KIF3C: variants seen among roughly 807,000 people sequenced by gnomAD.
KIF3C encodes the protein kinesin-like protein KIF3C.
A neutral mutation model predicts 67.7 loss-of-function variants in KIF3C; 12 were observed. The ratio of observed to expected loss-of-function variants is 0.18; its 90% confidence interval spans 0.11 to 0.29. The LOEUF is 0.29. Ranked by LOEUF, KIF3C falls within the 10% of genes least tolerant of loss-of-function variation. The pLI is 1.00. For synonymous variants in KIF3C, 393 were observed against 426.2 expected (o/e 0.92, Z 0.96); for missense variants, 789 against 1,059.6 (o/e 0.74, Z 3.55).
intron 1 of KIF3C, among the ~76,000 whole-genome samples, chr2:25,956,897 G>C (rs193000565): frequency 2.4e-4 from 37 of 152,324 alleles, no homozygotes; most frequent in African/African-American, 8.2e-4. Context: ...CAGCAGGAAA[G>C]GGTCTAAATC....
chr2:25,957,130 G>A (rs1476939329), intron 1 of KIF3C, among the ~76,000 whole-genome samples: 2 of 152,110 alleles, frequency 1.3e-5, no homozygotes, highest in Admixed American at 6.6e-5. Flanking sequence ...TTTGTGGAGC[G>A]CTAAGTATCT....
Position 25,980,964 on chromosome 2 carries a change from C to T in KIF3C, c.954G>A (p.Arg318=). The T allele has an allele frequency of 6.2e-7, 1 of 1,614,184 alleles. No homozygotes were observed. The highest frequency in any genetic ancestry group is 1.1e-5 in the South Asian group (1 of 91,078). Reference sequence around the variant, plus strand: ...GGAGCAGCCGGGTCAGCTTGGAGTCCCGGTAGGGAATGTGGGTGCTCCTGT... The same window carrying T: ...GGAGCAGCCGGGTCAGCTTGGAGTCTCGGTAGGGAATGTGGGTGCTCCTGT... ...AGNRSTHIPY[R]DSKLTRLLQD... is the part of the protein sequence containing the mutation. Residue 318 remains arginine, a synonymous_variant, in exon 1 of 8, where the codon CGG becomes CGA. Coordinates refer to ENST00000264712, the MANE Select transcript of KIF3C (RefSeq NM_002254.8). This position sits in a 1 kb window ranked among gnomAD's most constrained non-coding sequence, Gnocchi z 7.6.
rs764705520 is a variant in KIF3C, at chr2:25,956,437, T to A, written c.1553A>T (p.Glu518Val). 1.3e-5 allele frequency: 21 copies of A among 1,613,520 alleles called. No homozygotes were observed. Among genetic ancestry groups the A allele is most frequent in the Non-Finnish European group, 1.8e-5 (21 of 1,179,702 alleles). ...ELLAAKYKAM[E>V]SKLLIGGRNI... ...CCTGCCCCCGATGAGGAGCTTGCTC[T>A]CCATGGCCTGGGGACACAGAGGGGT... Residue 518 changes from glutamate (E) to valine (V), a missense_variant, in exon 2 of 8, where the codon GAG becomes GTG. By Grantham distance (121) the Glu-to-Val change is moderately radical (BLOSUM62 -2). Coordinates refer to ENST00000264712, the MANE Select transcript of KIF3C (RefSeq NM_002254.8).
Position 25,981,639 on chromosome 2 carries a change from C to T in KIF3C, c.279G>A (p.Val93=). ...DSVLQGFNGT[V]FAYGQTGTGK... ...CAGTGCCCGTCTGGCCATAGGCAAA[C>T]ACCGTGCCATTGAAACCCTGGAGCA... The change falls in exon 1 of 8, where the codon GTG becomes GTA. Residue 93 remains valine (V), a synonymous_variant. Transcript: ENST00000264712. This position sits in a 1 kb window ranked among gnomAD's most constrained non-coding sequence, Gnocchi z 8.2. 1.2e-6 allele frequency: 2 copies of T among 1,614,192 alleles called. No homozygotes were observed. Among genetic ancestry groups the T allele is most frequent in the Non-Finnish European group, 1.7e-6 (2 of 1,180,054 alleles).
In KIF3C at chr2:25,955,568, C is replaced by T. The variant is rs1288711155; in HGVS notation, c.1743G>A (p.Val581=). 1.2e-6 allele frequency: 2 copies of T among 1,613,996 alleles called. No individual in the cohort carries two copies. The highest frequency in any genetic ancestry group is 1.7e-6 in the Non-Finnish European group (2 of 1,180,014). ...RGTYTSLQQE[V]EVKTKKLKKL... is the part of the protein sequence containing the mutation. ...TCTTGAGTTTCTTGGTTTTGACCTC[C>T]ACCTCCTGCTGCAGGGATGTGTAGG... The change falls in exon 3 of 8, where the codon GTG becomes GTA. Residue 581 remains valine (V), a synonymous_variant. Transcript: ENST00000264712. The surrounding 1 kb of genome is among the most constrained non-coding windows in gnomAD (Gnocchi z 5.0).
intron 5 of KIF3C, among the ~76,000 whole-genome samples, chr2:25,950,736 G>A (rs1292971253): frequency 6.6e-6 from 1 of 152,078 alleles, no homozygotes; most frequent in Admixed American, 6.6e-5. Context: ...GTACTATTGA[G>A]AATCTCTACC....
At chr2:25,956,609 G>A (rs1574489096) in intron 1 of KIF3C, among the ~76,000 whole-genome samples, 165 bp from the exon 2 acceptor site, 1 of 152,304 alleles carries the variant, frequency 6.6e-6, no homozygotes, top group Admixed American at 6.5e-5. Context: ...TTCCCCTCTA[G>A]TGTCTCAGGT....
rs1323072444 is a variant in KIF3C at position 25,929,523 on chromosome 2, G to A, written c.2116-46C>T. ...CAGGCTTGAACAGTGCCCAGTCACTGTGCCTTCTAGGGACTCAGCCAGTCT... is the reference window on the plus strand; with the variant it reads ...CAGGCTTGAACAGTGCCCAGTCACTATGCCTTCTAGGGACTCAGCCAGTCT... On this transcript the variant is annotated intron_variant, in intron 6 of 7. Transcript: ENST00000264712. 2.6e-6 allele frequency: 4 copies of A among 1,565,578 alleles called. No individual in the cohort carries two copies. In the South Asian group the frequency reaches 3.3e-5, roughly 13 times the overall value.
At chr2:25,945,307 T>A (rs113572728) in intron 5 of KIF3C, among the ~76,000 whole-genome samples, 1 of 152,086 alleles carries the variant, frequency 6.6e-6, no homozygotes, top group African/African-American at 2.4e-5. Flanking sequence ...GAAAACACTA[T>A]AAAAGCTGCT....
chr2:25,979,646 C>T (rs1002552694), intron 1 of KIF3C, among the ~76,000 whole-genome samples: 2 of 152,142 alleles, frequency 1.3e-5, no homozygotes, highest in African/African-American at 2.4e-5. Context: ...AATCTCTTTC[C>T]TAATGATAGC....
At chr2:25,962,449 G>A (rs1014592004) in intron 1 of KIF3C, among the ~76,000 whole-genome samples, 1 of 151,362 alleles carries the variant, frequency 6.6e-6, no homozygotes, top group Non-Finnish European at 1.5e-5. Flanking sequence ...GCACGATCTC[G>A]GCTCACGCAA....
rs180982929 is a variant in KIF3C, at chr2:25,961,135, G to A, written c.1546-4691C>T. On this transcript the variant is annotated intron_variant, in intron 1 of 7. Coordinates refer to ENST00000264712, the MANE Select transcript of KIF3C (RefSeq NM_002254.8). The stretch of plus-strand genomic sequence containing the variant: ...TCTGAGAGTTCTTTCAGAATGGGAC[G>A]GAATAGGTTATTACAGCACATGGGG... Among the ~76,000 whole-genome samples, 288 of 152,262 alleles carry A rather than the reference G, an allele frequency of 1.9e-3. 1 individual carries two copies. Among genetic ancestry groups the A allele is most frequent in the Non-Finnish European group, 3.4e-3 (234 of 68,008 alleles).
chr2:25,981,463 T>A lies in KIF3C; in HGVS notation c.455A>T (p.Glu152Val). Residue 152 changes from glutamate (E) to valine (V), a missense_variant, in exon 1 of 8, where the codon GAG (glutamate) becomes GTG (valine). Around this residue, in one of 2 missense-constraint regions of KIF3C, gnomAD observed 141 missense variants for 251.8 expected, o/e 0.56. Transcript: ENST00000264712. This position sits in a 1 kb window ranked among gnomAD's most constrained non-coding sequence, Gnocchi z 8.2. ...RASYLEIYQE[E>V]IRDLLSKEPG... The stretch of plus-strand genomic sequence containing the variant: ...CTCCTTGGAGAGCAGGTCTCGAATC[T>A]CTTCCTGGTAGATCTCCAAATAGGA... 6.2e-7 allele frequency: 1 copy of A among 1,614,202 alleles called. No individual in the cohort carries two copies. The highest frequency in any genetic ancestry group is 8.5e-7 in the Non-Finnish European group (1 of 1,180,032).
intron 5 of KIF3C, among the ~76,000 whole-genome samples, chr2:25,950,066 A>G (rs1663554889): frequency 6.7e-6 from 1 of 149,304 alleles, no homozygotes; most frequent in Non-Finnish European, 1.5e-5. Context: ...AATTTTTTGT[A>G]TTTTTAGTAG....
intron 1 of KIF3C, among the ~76,000 whole-genome samples, chr2:25,962,354 C>A (rs1663966885): frequency 6.6e-6 from 1 of 151,852 alleles, no homozygotes; most frequent in South Asian, 2.1e-4. Flanking sequence ...TACTTGGTTT[C>A]TTTCATTTTC....
chr2:25,971,984 C>T (rs1664298597), intron 1 of KIF3C, among the ~76,000 whole-genome samples: 1 of 150,104 alleles, frequency 6.7e-6, no homozygotes, highest in African/African-American at 2.5e-5. Flanking sequence ...ACCTCACCCT[C>T]CCAATATACT....
At chr2:25,936,229 T>TG (rs1663122082) in intron 5 of KIF3C, among the ~76,000 whole-genome samples, 1 of 152,206 alleles carries the variant, frequency 6.6e-6, no homozygotes, top group Non-Finnish European at 1.5e-5. Flanking sequence ...TTTGTAGAGA[T>TG]GGGGTCTCGC....
rs1664626017 is a variant in KIF3C at position 25,982,354 on chromosome 2, G to A, written c.-437C>T. ...CGTGGGCTGCCGGTCGTGGGCGGCCGGGGGTCCCGGGCCTCCCGAGGGCAG... is the reference window on the plus strand; with the variant it reads ...CGTGGGCTGCCGGTCGTGGGCGGCCAGGGGTCCCGGGCCTCCCGAGGGCAG... On this transcript the variant is annotated 5_prime_UTR_variant, in exon 1 of 8. Transcript: ENST00000264712. The A allele has an allele frequency of 1.3e-5, 5 of 398,902 alleles. No homozygotes were observed. Among genetic ancestry groups the A allele is most frequent in the African/African-American group, 4.1e-5 (2 of 48,622 alleles). 24.7% of individuals were successfully genotyped at this position (398,902 alleles called of 1,614,324 possible). A position where few individuals can be genotyped will look rare whatever the true frequency, so the allele number is the denominator to read the frequency against.
At chr2:25,930,831 G>A (rs1208679548) in intron 5 of KIF3C, among the ~76,000 whole-genome samples, 2 of 151,942 alleles carry the variant, frequency 1.3e-5, no homozygotes, top group Non-Finnish European at 2.9e-5. Context: ...GAGCCACCGT[G>A]CCTGGCCTAA....
Sources: gnomAD v4.1 joint callset for allele counts (sites outside exome capture counted in the v4.1 genomes callset) on GRCh38, gnomAD v4.1.1 for gene constraint, gnomAD v4.1.1 regional missense constraint, Gnocchi (gnomAD v3.1) non-coding constraint, MANE v1.5 for transcripts, NCBI Gene and HGNC (gene_info 2026-07-23, HGNC 2026-07-21) for gene names.